CLSTN3: variants seen among roughly 807,000 people sequenced by gnomAD.
CLSTN3 encodes calsyntenin 3.
CLSTN3 carries 36 observed loss-of-function variants against 95.9 expected under a neutral mutation model. The ratio of observed to expected loss-of-function variants is 0.38; its 90% CI spans 0.29 to 0.50. The LOEUF (loss-of-function observed/expected upper bound fraction) is 0.50. CLSTN3 is among the 20% of genes least tolerant of loss of function. The pLI, the probability that CLSTN3 is intolerant of heterozygous loss-of-function variation, is 0.95. For synonymous variants in CLSTN3, 481 were observed against 504.0 expected (o/e 0.95, Z 0.61); for missense variants, 1,084 against 1,268.8 (o/e 0.85, Z 2.21).
intron 8 of CLSTN3, among the ~76,000 whole-genome samples, chr12:7,138,480 T>C (rs1939469649): frequency 6.6e-6 from 1 of 152,178 alleles, no homozygotes; most frequent in Admixed American, 6.5e-5. Flanking sequence ...TTGCTGGCTA[T>C]GAAATCTTGG....
chr12:7,135,351 C>T lies in CLSTN3; in HGVS notation c.408C>T (p.Asn136=), dbSNP rs187600268. The part of the protein sequence containing the change: ...SHKATVHVRV[N]DVNEFAPVFV... ...GGGCCACTGTGCATGTGCGGGTCAA[C>T]GATGTGAACGAGTTTGCCCCAGTGT... Residue 136 remains asparagine, a synonymous_variant, in exon 4 of 18, where the codon AAC becomes AAT. Transcript: ENST00000266546. 129 of 1,614,088 alleles carry T rather than the reference C, an allele frequency of 8.0e-5. 1 individual carries two copies. Among genetic ancestry groups the T allele is most frequent in the Admixed American group, 4.2e-4 (25 of 60,024 alleles).
intron 1 of CLSTN3, chr12:7,131,077 C>T: frequency 2.4e-6 from 1 of 417,188 alleles, no homozygotes; most frequent in South Asian, 2.3e-5. Flanking sequence ...CTCCCCGCGG[C>T]TCTCCCTTTC....
Position 7,157,713 on chromosome 12 carries a change from G to A in CLSTN3, c.2730+22G>A. ...GGAGGTGAGAGGCCTGGGGAAGCGG[G>A]GTTCTGTAGGGTCAAGACTGTGGAG... is the stretch of plus-strand genomic sequence containing the variant. On this transcript the variant is annotated intron_variant, in intron 17 of 17. Coordinates refer to ENST00000266546, the MANE Select transcript of CLSTN3 (RefSeq NM_014718.4). This position sits in a 1 kb window ranked among gnomAD's most constrained non-coding sequence, Gnocchi z 5.9. 1 of 1,553,796 alleles carries A rather than the reference G, an allele frequency of 6.4e-7. No homozygotes were observed.
In CLSTN3 at chr12:7,150,615, C is replaced by T. The variant is rs200024715; in HGVS notation, c.2317C>T (p.Leu773Phe). ...TTATCGGCTGCGACACGGAGCTGCC[C>T]TCTACACCAGGAAGTTCCGGCTTTC... ...ARYRLRHGAALYTRKFRLSCS... is the reference protein window; with the variant it reads ...ARYRLRHGAAFYTRKFRLSCS... The change falls in exon 15 of 18, where the codon CTC becomes TTC. Residue 773 changes from leucine (L) to phenylalanine (F), a missense_variant. Physicochemically the swap from Leu to Phe is conservative, Grantham distance 22. Transcript: ENST00000266546. The surrounding 1 kb of genome is among the most constrained non-coding windows in gnomAD (Gnocchi z 4.0). 421 of 1,613,832 alleles carry T rather than the reference C, an allele frequency of 2.6e-4. 6 individuals carry two copies. The South Asian group carries it at 3.8e-3, about 14-fold the overall frequency.
Position 7,141,573 on chromosome 12 carries a change from C to T in CLSTN3, c.1486+169C>T, listed in dbSNP as rs1399660764. ...TGGGAAGGGACCACAGCCTCCCTCCCGTATCTCCCACTAATCCAATGGGTC... is the reference window on the plus strand; with the variant it reads ...TGGGAAGGGACCACAGCCTCCCTCCTGTATCTCCCACTAATCCAATGGGTC... On this transcript the variant is annotated intron_variant, in intron 9 of 17. Transcript: ENST00000266546. The surrounding 1 kb of genome is among the most constrained non-coding windows in gnomAD (Gnocchi z 4.1). Among the ~76,000 whole-genome samples the T allele has an allele frequency of 3.3e-5, 5 of 152,146 alleles. No homozygotes were observed. The highest frequency in any genetic ancestry group is 3.9e-4 in the East Asian group (2 of 5,192).
Position 7,130,606 on chromosome 12 carries a change from A to G in CLSTN3, c.-43A>G, listed in dbSNP as rs1734231734. ...TGGAATCCGCAGGCTGGAGGCTCCC[A>G]GGGGAGGCAAACGCCTGGCCCTGCC... On this transcript the variant is annotated 5_prime_UTR_variant, in exon 1 of 18. Transcript: ENST00000266546. The G allele has an allele frequency of 2.6e-6, 4 of 1,551,754 alleles. No homozygotes were observed. In the South Asian group the frequency reaches 4.8e-5, roughly 18 times the overall value.
At position 7,149,551 on chromosome 12, in the gene CLSTN3, T is replaced by C. The variant is rs1297525767; in HGVS notation, c.2103T>C (p.Ile701=). 2.9e-5 allele frequency: 46 copies of C among 1,613,874 alleles called. No homozygotes were observed. Among genetic ancestry groups the C allele is most frequent in the Non-Finnish European group, 3.6e-5 (43 of 1,179,952 alleles). ...CAGACACACGCATGTCGGATGAGAT[T>C]GTGCACAACCTGGATGGCTGTGAAA... is the stretch of plus-strand genomic sequence containing the variant. ...TVTDTRMSDE[I]VHNLDGCEIS... Residue 701 remains isoleucine (I), a synonymous_variant, in exon 14 of 18, where the codon ATT becomes ATC. Coordinates refer to ENST00000266546, the MANE Select transcript of CLSTN3 (RefSeq NM_014718.4). The surrounding 1 kb of genome is among the most constrained non-coding windows in gnomAD (Gnocchi z 4.5).
rs1242360224 is a variant in CLSTN3 at position 7,133,245 on chromosome 12, G to T, written c.187+99G>T. The T allele has an allele frequency of 6.8e-7, 1 of 1,467,084 alleles. No homozygotes were observed. Among genetic ancestry groups the T allele is most frequent in the Non-Finnish European group, 9.3e-7 (1 of 1,074,068 alleles). The allele number at this position is 1,467,084 out of a possible 1,614,324, so 90.9% of individuals were successfully genotyped here. On this transcript the variant is annotated intron_variant, in intron 2 of 17. Coordinates refer to ENST00000266546, the MANE Select transcript of CLSTN3 (RefSeq NM_014718.4). The surrounding 1 kb of genome is among the most constrained non-coding windows in gnomAD (Gnocchi z 4.7). ...GGAGGGAAGGTCCTGGGAGTGATGA[G>T]AAAGTAAGGGAAGATAAAAGTGGGC...
rs115399382 is a variant in CLSTN3 at position 7,136,596 on chromosome 12, C to T, written c.928+205C>T. ...CATAGTCATCGCACCAGACAGTCAC[C>T]GGATGCATGGTGGAACAATGGTAGG... On this transcript the variant is annotated intron_variant, in intron 6 of 17. Coordinates refer to ENST00000266546, the MANE Select transcript of CLSTN3 (RefSeq NM_014718.4). Among the ~76,000 whole-genome samples, 1,128 of 152,234 alleles carry T rather than the reference C, an allele frequency of 7.4e-3. 12 individuals carry two copies. The highest frequency in any genetic ancestry group is 0.024 in the African/African-American group (1,013 of 41,532).
intron 12 of CLSTN3, among the ~76,000 whole-genome samples, chr12:7,147,288 T>C (rs977557864): frequency 2.0e-5 from 3 of 147,872 alleles, no homozygotes; most frequent in Non-Finnish European, 4.5e-5. Context: ...TGGTCCCAGC[T>C]CCTCAGGAGG....
intron 12 of CLSTN3, 39 bp downstream of exon 12, chr12:7,143,350 G>T: frequency 6.3e-7 from 1 of 1,583,358 alleles, no homozygotes; most frequent in Non-Finnish European, 8.6e-7. Context: ...ACCAAGCAGA[G>T]CCAGACAGTG....
chr12:7,146,418 GA>G (rs999436012), intron 12 of CLSTN3, among the ~76,000 whole-genome samples: 21 of 145,246 alleles, frequency 1.4e-4, no homozygotes, highest in African/African-American at 5.3e-4. Context: ...TAGAGAGAGA[GA>G]AAAAAAAAAC....
chr12:7,149,757 G>A lies in CLSTN3; in HGVS notation c.2245+64G>A, dbSNP rs1939692778. 1.1e-5 allele frequency: 16 copies of A among 1,497,378 alleles called. No individual in the cohort carries two copies. The highest frequency in any genetic ancestry group is 1.5e-5 in the Non-Finnish European group (16 of 1,101,260). The allele number at this position is 1,497,378 out of a possible 1,614,324, so 92.8% of individuals were successfully genotyped here. A position where few individuals can be genotyped will look rare whatever the true frequency, so the allele number is the denominator to read the frequency against. On this transcript the variant is annotated intron_variant, in intron 14 of 17. Coordinates refer to ENST00000266546, the MANE Select transcript of CLSTN3 (RefSeq NM_014718.4). This position sits in a 1 kb window ranked among gnomAD's most constrained non-coding sequence, Gnocchi z 4.5. ...GCCCCTCCCAAAAAGTAAGGGCCTA[G>A]GAAGCCCAGAGGGTCCTCCTTCCAG...
chr12:7,136,611 A>C (rs1939428040), intron 6 of CLSTN3, among the ~76,000 whole-genome samples: 1 of 152,260 alleles, frequency 6.6e-6, no homozygotes. Flanking sequence ...GCATGGTGGA[A>C]CAATGGTAGG....
In CLSTN3 at chr12:7,141,318, C is replaced by T; in HGVS notation, c.1400C>T (p.Ser467Phe). 8 of 1,614,190 alleles carry T rather than the reference C, an allele frequency of 5.0e-6. No homozygotes were observed. The highest frequency in any genetic ancestry group is 6.8e-6 in the Non-Finnish European group (8 of 1,180,016). The change falls in exon 9 of 18, where the codon TCC becomes TTC. Residue 467 changes from serine to phenylalanine, a missense_variant. By Grantham distance (155) the Ser-to-Phe change is radical. Coordinates refer to ENST00000266546, the MANE Select transcript of CLSTN3 (RefSeq NM_014718.4). The surrounding 1 kb of genome is among the most constrained non-coding windows in gnomAD (Gnocchi z 4.1). ...PTVTLYTDGI[S>F]FDPALIHDNG... ...GTCACACTCTATACCGACGGCATCT[C>T]CTTCGACCCTGCCCTCATCCATGAC... is the stretch of plus-strand genomic sequence containing the variant.
intron 12 of CLSTN3, 119 bp downstream of exon 12, chr12:7,143,430 T>G (rs1939567885): frequency 1.7e-6 from 2 of 1,161,090 alleles, no homozygotes; most frequent in African/African-American, 3.1e-5. Context: ...ATGAGGAGAT[T>G]GGGCCCTCAA....
At chr12:7,130,958 T>G in intron 1 of CLSTN3, 1 of 588,054 alleles carries the variant, frequency 1.7e-6, no homozygotes, top group Non-Finnish European at 3.0e-6. Context: ...TGCTCCCATT[T>G]GGTCTCCATT....
chr12:7,148,157 AAAGAAAGAAAG>A (rs1237321821), intron 12 of CLSTN3, among the ~76,000 whole-genome samples: 2 of 11,896 alleles, frequency 1.7e-4, no homozygotes, highest in East Asian at 0.014. Context: ...ACTCCATCAA[AAAGAAAGAAAG>A]AAAGAAAGAA....
intron 16 of CLSTN3, among the ~76,000 whole-genome samples, chr12:7,155,275 C>A (rs765884771): frequency 1.3e-4 from 20 of 152,220 alleles, no homozygotes; most frequent in African/African-American, 4.6e-4. Context: ...CCCATCTCCC[C>A]GGGCTCCTGA....
Sources: gnomAD v4.1 joint callset for allele counts (sites outside exome capture counted in the v4.1 genomes callset) on GRCh38, gnomAD v4.1.1 for gene constraint, Gnocchi (gnomAD v3.1) non-coding constraint, MANE v1.5 for transcripts, NCBI Gene and HGNC (gene_info 2026-07-23, HGNC 2026-07-21) for gene names.